The following CAMKMT variants were observed in gnomAD, a reference collection of about 807,000 sequenced individuals.
CAMKMT encodes CaM KMT.
A neutral mutation model predicts 48.0 loss-of-function variants in CAMKMT; 53 were observed. The ratio of observed to expected loss-of-function variants is 1.10; its 90% CI spans 0.89 to 1.39. The LOEUF is 1.39. CAMKMT is among the 40% of genes most tolerant of loss of function. CAMKMT has a pLI of 0.00. For synonymous variants in CAMKMT, 165 were observed against 152.3 expected, an observed-to-expected ratio of 1.08 and a Z score of -0.61; for missense variants, 428 against 402.7, an observed-to-expected ratio of 1.06 and a Z score of -0.54.
At chr2:44,744,513 A>G (rs2104375260) in intron 8 of CAMKMT, among the ~76,000 whole-genome samples, 1 of 152,300 alleles carries the variant, frequency 6.6e-6, no homozygotes, top group South Asian at 2.1e-4. Context: ...ACAATTCACA[A>G]GTATTTTCCC....
intron 3 of CAMKMT, among the ~76,000 whole-genome samples, chr2:44,402,740 G>GTTT: frequency 0.019 from 1,791 of 94,072 alleles, 34 homozygotes; most frequent in Middle Eastern, 0.026. Context: ...TTGTTTTGCT[G>GTTT]TTTTTTTTTT....
At chr2:44,614,446 C>T (rs1357284079) in intron 3 of CAMKMT, among the ~76,000 whole-genome samples, 1 of 152,148 alleles carries the variant, frequency 6.6e-6, no homozygotes, top group Non-Finnish European at 1.5e-5. Context: ...TTGAATGTGC[C>T]TGTTTTCCAG....
intron 3 of CAMKMT, among the ~76,000 whole-genome samples, chr2:44,489,524 G>T (rs1243447540): frequency 6.6e-6 from 1 of 152,200 alleles, no homozygotes; most frequent in Non-Finnish European, 1.5e-5. Context: ...GGGATTACAT[G>T]TGTGAGCCAC....
intron 1 of CAMKMT, among the ~76,000 whole-genome samples, chr2:44,372,149 C>A (rs1466934767): frequency 2.6e-5 from 4 of 152,108 alleles, no homozygotes; most frequent in African/African-American, 7.2e-5. Flanking sequence ...AAAGTGGTTG[C>A]AAAAGTCAGA....
chr2:44,453,753 T>C (rs957062428), intron 3 of CAMKMT, among the ~76,000 whole-genome samples: 1 of 152,128 alleles, frequency 6.6e-6, no homozygotes, highest in African/African-American at 2.4e-5. Context: ...AATACTTTAA[T>C]GAATTACTGA....
chr2:44,551,661 G>A (rs1211018817), intron 3 of CAMKMT, among the ~76,000 whole-genome samples: 1 of 152,090 alleles, frequency 6.6e-6, no homozygotes, highest in African/African-American at 2.4e-5. Context: ...TGGCAGCAGT[G>A]GAAAAGATTT....
chr2:44,400,279 T>TA (rs1682243306), intron 3 of CAMKMT, among the ~76,000 whole-genome samples: 1 of 152,292 alleles, frequency 6.6e-6, no homozygotes, highest in Non-Finnish European at 1.5e-5. Flanking sequence ...CAATAATTTT[T>TA]AAAAAATTAC....
Position 44,711,244 on chromosome 2 carries a change from C to A in CAMKMT, c.556+3782C>A, listed in dbSNP as rs77578114. On this transcript the variant is annotated intron_variant, in intron 6 of 10. Transcript: ENST00000378494. ...ATGTGCCTCAGATTGGGTAGCAGCACAACAAATATGTATTTTTTGGAATTA... is the reference window on the plus strand; with the variant it reads ...ATGTGCCTCAGATTGGGTAGCAGCAAAACAAATATGTATTTTTTGGAATTA... Among the ~76,000 whole-genome samples, 1,118 of 152,114 alleles carry A rather than the reference C, an allele frequency of 7.3e-3. 17 individuals are homozygous for A. Among genetic ancestry groups the A allele is most frequent in the African/African-American group, 0.025 (1,055 of 41,498 alleles).
intron 3 of CAMKMT, chr2:44,631,654 A>T: frequency 2.4e-6 from 1 of 420,080 alleles, no homozygotes; most frequent in Non-Finnish European, 4.2e-6. Context: ...TTTTGAGCCC[A>T]TCTGACAAGT....
At chr2:44,607,325 ATC>A (rs1558740436) in intron 3 of CAMKMT, among the ~76,000 whole-genome samples, 1 of 152,182 alleles carries the variant, frequency 6.6e-6, no homozygotes, top group African/African-American at 2.4e-5. Flanking sequence ...TGGTAGAGAA[ATC>A]TCTGTTTTTC....
At chr2:44,568,225 A>C (rs6726493) in intron 3 of CAMKMT, among the ~76,000 whole-genome samples, 84,209 of 151,860 alleles carry the variant, frequency 0.55, 24,610 homozygotes, top group Middle Eastern at 0.71. Flanking sequence ...AAACAAGCTG[A>C]GCCTGAATTG....
chr2:44,595,281 A>C (rs1216529280), intron 3 of CAMKMT, among the ~76,000 whole-genome samples: 2 of 151,742 alleles, frequency 1.3e-5, no homozygotes, highest in Non-Finnish European at 2.9e-5. Flanking sequence ...ATACCATTTG[A>C]CCCAGCAATC....
intron 3 of CAMKMT, among the ~76,000 whole-genome samples, chr2:44,488,594 C>T (rs1262232489): frequency 4.0e-5 from 6 of 151,820 alleles, no homozygotes; most frequent in African/African-American, 1.5e-4. Flanking sequence ...CCCAGCTACA[C>T]AGGAGGCTGA....
intron 3 of CAMKMT, among the ~76,000 whole-genome samples, chr2:44,628,365 T>C (rs1672615001): frequency 6.6e-6 from 1 of 152,134 alleles, no homozygotes; most frequent in South Asian, 2.1e-4. Context: ...TTTTCTCTAT[T>C]GTTTGTCTGT....
chr2:44,508,479 A>G (rs1247972649), intron 3 of CAMKMT, among the ~76,000 whole-genome samples: 1 of 152,162 alleles, frequency 6.6e-6, no homozygotes, highest in Non-Finnish European at 1.5e-5. Flanking sequence ...TTCATGCACA[A>G]TGAAAGCATG....
Position 44,524,781 on chromosome 2 carries a change from C to T in CAMKMT, c.376+134476C>T, listed in dbSNP as rs149217472. ...GACTCCTGATGGGCAAAGGCCATGT[C>T]CTGTTCATCATTAATCCACCAGGCC... On this transcript the variant is annotated intron_variant, in intron 3 of 10. Coordinates refer to ENST00000378494, the MANE Select transcript of CAMKMT (RefSeq NM_024766.5). 6.3e-3 allele frequency among the ~76,000 whole-genome samples: 957 copies of T among 152,288 alleles called. 5 individuals are homozygous for T. The highest frequency in any genetic ancestry group is 0.01 in the Middle Eastern group (3 of 294).
intron 3 of CAMKMT, among the ~76,000 whole-genome samples, chr2:44,428,585 C>CCT (rs1199943263): frequency 6.6e-6 from 1 of 152,238 alleles, no homozygotes; most frequent in East Asian, 1.9e-4. Context: ...TATTTCCCTG[C>CCT]CTCCTGTCCA....
intron 3 of CAMKMT, among the ~76,000 whole-genome samples, chr2:44,512,857 A>T (rs1572687398): frequency 2.3e-5 from 1 of 42,924 alleles, no homozygotes; most frequent in Non-Finnish European, 7.0e-5. Context: ...CAAATAAAAT[A>T]AATGTCAGTA....
chr2:44,667,613 C>T (rs1159037632), intron 3 of CAMKMT, among the ~76,000 whole-genome samples: 1 of 152,074 alleles, frequency 6.6e-6, no homozygotes, highest in Non-Finnish European at 1.5e-5. Context: ...TTTGTTATTC[C>T]TCCCCGTTAT....
Sources: gnomAD v4.1 joint callset for allele counts (sites outside exome capture counted in the v4.1 genomes callset) on GRCh38, gnomAD v4.1.1 for gene constraint, MANE v1.5 for transcripts, NCBI Gene and HGNC (gene_info 2026-07-23, HGNC 2026-07-21) for gene names.